Variants in ERBB4 observed in about 807,000 individuals in gnomAD.
The protein encoded by ERBB4 is receptor tyrosine-protein kinase erbB-4.
ERBB4 carries 42 observed loss-of-function variants against 158.0 expected under a neutral mutation model. The observed-to-expected ratio is 0.27, with a 90% CI of 0.21 to 0.34. The LOEUF is 0.34. Ranked by LOEUF, ERBB4 falls within the 10% of genes least tolerant of loss-of-function variation. The pLI, the probability that ERBB4 is intolerant of heterozygous loss-of-function variation, is 1.00. For synonymous variants in ERBB4, 583 were observed against 558.7 expected, an observed-to-expected ratio of 1.04 and a Z score of -0.61; for missense variants, 1,333 against 1,624.1, an observed-to-expected ratio of 0.82 and a Z score of 3.08.
intron 20 of ERBB4, among the ~76,000 whole-genome samples, chr2:211,497,259 T>A (rs963878556): frequency 1.3e-5 from 2 of 152,120 alleles, no homozygotes; most frequent in African/African-American, 4.8e-5. Flanking sequence ...TACAGGTTTT[T>A]AAACCAAAAA....
intron 13 of ERBB4, among the ~76,000 whole-genome samples, chr2:211,674,262 T>C (rs771848858): frequency 3.8e-4 from 58 of 152,114 alleles, no homozygotes; most frequent in Non-Finnish European, 7.4e-4. Context: ...TCCACACCAA[T>C]AGCATTACAG....
intron 2 of ERBB4, among the ~76,000 whole-genome samples, chr2:211,983,706 T>A (rs1052029576): frequency 6.6e-6 from 1 of 152,170 alleles, no homozygotes; most frequent in African/African-American, 2.4e-5. Flanking sequence ...GTAGTTTAAT[T>A]AAACTTGTAA....
At chr2:211,719,308 C>T (rs2074021106) in intron 7 of ERBB4, among the ~76,000 whole-genome samples, 1 of 152,146 alleles carries the variant, frequency 6.6e-6, no homozygotes, top group South Asian at 2.1e-4. Flanking sequence ...TCTGTGATAT[C>T]CATTTCTTCC....
chr2:211,550,972 G>A (rs1265129290), intron 20 of ERBB4, among the ~76,000 whole-genome samples: 2 of 150,738 alleles, frequency 1.3e-5, no homozygotes, highest in South Asian at 2.1e-4. Flanking sequence ...ACAGGGTCTC[G>A]CTCTGTCGCC....
At chr2:211,899,520 T>C (rs1220340906) in intron 3 of ERBB4, among the ~76,000 whole-genome samples, 1 of 152,092 alleles carries the variant, frequency 6.6e-6, no homozygotes, top group African/African-American at 2.4e-5. Context: ...AATCACAAAG[T>C]AATTTATTAA....
chr2:211,748,901 G>A (rs564592039), intron 5 of ERBB4, among the ~76,000 whole-genome samples: 6 of 152,208 alleles, frequency 3.9e-5, no homozygotes, highest in Admixed American at 2.0e-4. Context: ...GGTCACATGC[G>A]TGTCAGACCA....
chr2:212,444,192 T>C (rs1207101957), intron 1 of ERBB4, among the ~76,000 whole-genome samples: 1 of 152,064 alleles, frequency 6.6e-6, no homozygotes, highest in African/African-American at 2.4e-5. Flanking sequence ...TAGGGCTTGG[T>C]TCACAGATGG....
chr2:212,181,794 A>G lies in ERBB4; in HGVS notation c.83-56891T>C, dbSNP rs142511458. Among the ~76,000 whole-genome samples, 1,384 of 151,900 alleles carry G rather than the reference A, an allele frequency of 9.1e-3. 16 individuals are homozygous for G. The highest frequency in any genetic ancestry group is 0.031 in the African/African-American group (1,274 of 41,522). On this transcript the variant is annotated intron_variant, in intron 1 of 27. Coordinates refer to ENST00000342788, the MANE Select transcript of ERBB4 (RefSeq NM_005235.3). ...ATTTCCAATTAGAATCAACACTTAA[A>G]ATTCTTCAAGTTCCTAAGAGTGAGG...
intron 1 of ERBB4, among the ~76,000 whole-genome samples, chr2:212,251,481 C>T (rs994867174): frequency 1.3e-5 from 2 of 151,584 alleles, no homozygotes; most frequent in East Asian, 1.9e-4. Context: ...ATGCTTTTGA[C>T]AGTAGTAAGG....
intron 1 of ERBB4, among the ~76,000 whole-genome samples, chr2:212,346,316 C>A (rs141533452): frequency 6.7e-6 from 1 of 148,962 alleles, no homozygotes; most frequent in African/African-American, 2.5e-5. Flanking sequence ...TGGCCCCCCC[C>A]AAGAAAAGCC....
At chr2:212,467,123 G>A (rs1020436501) in intron 1 of ERBB4, among the ~76,000 whole-genome samples, 5 of 152,078 alleles carry the variant, frequency 3.3e-5, no homozygotes, top group African/African-American at 1.2e-4. Context: ...TGTTGTCAAG[G>A]GCATTCAGTT....
chr2:212,143,743 C>A (rs573508496), intron 1 of ERBB4, among the ~76,000 whole-genome samples: 49 of 152,200 alleles, frequency 3.2e-4, no homozygotes, highest in African/African-American at 1.0e-3. Context: ...ATCGGCTGGA[C>A]ATGGTGGCTC....
intron 1 of ERBB4, among the ~76,000 whole-genome samples, chr2:212,331,090 C>CATATATA (rs2088143663): frequency 9.2e-5 from 3 of 32,582 alleles, no homozygotes; most frequent in Non-Finnish European, 3.3e-4. Flanking sequence ...ATATATATGC[C>CATATATA]CATAACACTT....
chr2:212,192,035 ATGT>A (rs201274660), intron 1 of ERBB4, among the ~76,000 whole-genome samples: 54,914 of 90,146 alleles, frequency 0.61, 12,625 homozygotes, highest in East Asian at 0.77. Context: ...TATATGTTAT[ATGT>A]TATATATATG....
chr2:212,065,592 T>C (rs2077919723), intron 2 of ERBB4, among the ~76,000 whole-genome samples: 1 of 152,062 alleles, frequency 6.6e-6, no homozygotes, highest in Non-Finnish European at 1.5e-5. Flanking sequence ...TCCCATTCAA[T>C]TTCAAATTTG....
At chr2:211,790,564 G>A (rs564936169) in intron 3 of ERBB4, among the ~76,000 whole-genome samples, 4 of 152,020 alleles carry the variant, frequency 2.6e-5, no homozygotes, top group East Asian at 1.9e-4. Context: ...TAGTCTGTTC[G>A]AGAGCTTGGC....
chr2:212,536,921 A>G (rs1409125186), intron 1 of ERBB4, among the ~76,000 whole-genome samples: 1 of 152,014 alleles, frequency 6.6e-6, no homozygotes, highest in African/African-American at 2.4e-5. Context: ...GGGGAGGGAG[A>G]TAAAAAGAGA....
intron 19 of ERBB4, among the ~76,000 whole-genome samples, chr2:211,570,473 G>A (rs192150771): frequency 4.0e-5 from 6 of 149,408 alleles, no homozygotes; most frequent in Admixed American, 3.3e-4. Context: ...GCCTCTTTTA[G>A]TTTTTAATTT....
chr2:212,220,244 T>C (rs914042806), intron 1 of ERBB4, among the ~76,000 whole-genome samples: 1 of 151,452 alleles, frequency 6.6e-6, no homozygotes, highest in Non-Finnish European at 1.5e-5. Flanking sequence ...TATAAGAATA[T>C]GTACTCATTA....
Sources: gnomAD v4.1 joint callset for allele counts (sites outside exome capture counted in the v4.1 genomes callset) on GRCh38, gnomAD v4.1.1 for gene constraint, MANE v1.5 for transcripts, NCBI Gene and HGNC (gene_info 2026-07-23, HGNC 2026-07-21) for gene names.